Variants in POU1F1 observed in about 807,000 individuals in gnomAD.
The protein encoded by POU1F1 is pituitary-specific positive transcription factor 1.
A neutral mutation model predicts 32.3 loss-of-function variants in POU1F1; 23 were observed. That is an observed-to-expected ratio of 0.71 (90% CI 0.51 to 1.01). POU1F1 has a LOEUF of 1.01. Ranked by LOEUF, POU1F1 falls within the 50% of genes least tolerant of loss-of-function variation. The probability of loss-of-function intolerance (pLI) is 0.00; values close to 1 mark genes in which losing one functional copy is unlikely to be tolerated. For missense variants in POU1F1, 323 were observed against 341.6 expected, an observed-to-expected ratio of 0.95 and a Z score of 0.43; for synonymous variants, 120 against 115.6, an observed-to-expected ratio of 1.04 and a Z score of -0.25.
rs756565722 is a variant in POU1F1 at position 87,260,075 on chromosome 3, T to G, written c.695A>C (p.His232Pro). 6.2e-7 allele frequency: 1 copy of G among 1,613,992 alleles called. No homozygotes were observed. The highest frequency in any genetic ancestry group is 8.5e-7 in the Non-Finnish European group (1 of 1,179,970). The change falls in exon 6 of 6, where the codon CAC (histidine) becomes CCC (proline). Residue 232 changes from histidine to proline, a missense_variant. By Grantham distance (77) the His-to-Pro change is moderately conservative. Coordinates refer to ENST00000350375, the MANE Select transcript of POU1F1 (RefSeq NM_000306.4). ...AGAAGGTTTATTCTGTTCTCCAAAGTGTCTCTCCAGAGCATCTTTAGCAGC... is the reference window on the plus strand; with the variant it reads ...AGAAGGTTTATTCTGTTCTCCAAAGGGTCTCTCCAGAGCATCTTTAGCAGC... ...SIAAKDALER[H>P]FGEQNKPSSQ...
chr3:87,264,657 CGAA>C (rs1354119165), intron 2 of POU1F1, 145 bp from the exon 3 acceptor site: 10 of 685,570 alleles, frequency 1.5e-5, no homozygotes, highest in Non-Finnish European at 2.3e-5. Context: ...TTCAGTCTTC[CGAA>C]GAAGGAGTCA....
chr3:87,259,760 A>G lies in POU1F1; in HGVS notation c.*134T>C. 3 of 729,258 alleles carry G rather than the reference A, an allele frequency of 4.1e-6. No individual in the cohort carries two copies. In the East Asian group the frequency reaches 8.2e-5, roughly 20 times the overall value. 45.2% of individuals were successfully genotyped at this position (729,258 alleles called of 1,614,324 possible). ...ATTGTTGGTTTCTTTTTTTTAAAAA[A>G]AAGTGGAAAAGTAAAGCTTCTGTAA... On this transcript the variant is annotated 3_prime_UTR_variant, in exon 6 of 6. Transcript: ENST00000350375.
chr3:87,269,749 T>C (rs1706691869), intron 2 of POU1F1, among the ~76,000 whole-genome samples: 1 of 152,072 alleles, frequency 6.6e-6, no homozygotes, highest in African/African-American at 2.4e-5. Flanking sequence ...CTTGTTTAAG[T>C]CCCAAGAGTT....
chr3:87,273,719 C>T (rs576920151), intron 1 of POU1F1, among the ~76,000 whole-genome samples: 11 of 152,252 alleles, frequency 7.2e-5, no homozygotes, highest in East Asian at 5.8e-4. Context: ...GCTATGGCTA[C>T]GAGTGCCCCG....
intron 3 of POU1F1, among the ~76,000 whole-genome samples, 179 bp downstream of exon 3, chr3:87,264,109 C>G (rs958419357): frequency 6.6e-6 from 1 of 152,004 alleles, no homozygotes; most frequent in Non-Finnish European, 1.5e-5. Flanking sequence ...TATTTAGGCT[C>G]TTAAGAAATT....
In POU1F1 at chr3:87,259,647, T is replaced by C. The variant is rs560712991; in HGVS notation, c.*247A>G. On this transcript the variant is annotated 3_prime_UTR_variant, in exon 6 of 6. Transcript: ENST00000350375. ...AGAGCGGGAGAGACAGAGAGATCAT[T>C]TTATTACTGTTAATATATTTGGCTT... is the stretch of plus-strand genomic sequence containing the variant. 1.1e-5 allele frequency: 5 copies of C among 470,550 alleles called. No individual in the cohort carries two copies. The South Asian group carries it at 1.1e-4, about 11-fold the overall frequency. The allele number at this position is 470,550 out of a possible 1,614,324, so 29.1% of individuals were successfully genotyped here. A position where few individuals can be genotyped will look rare whatever the true frequency, so the allele number is the denominator to read the frequency against.
chr3:87,260,143 T>G, intron 5 of POU1F1, 39 bp from the exon 6 acceptor site: 1 of 1,564,388 alleles, frequency 6.4e-7, no homozygotes, highest in Non-Finnish European at 8.7e-7. Flanking sequence ...ATTTTGTTGT[T>G]TTTAGTGAAG....
chr3:87,261,556 C>T (rs1447652349), intron 4 of POU1F1, among the ~76,000 whole-genome samples: 1 of 152,066 alleles, frequency 6.6e-6, no homozygotes, highest in African/African-American at 2.4e-5. Context: ...CAAATAATAT[C>T]CTCACTTTAC....
intron 4 of POU1F1, among the ~76,000 whole-genome samples, chr3:87,261,753 A>G (rs980559925): frequency 1.3e-5 from 2 of 152,160 alleles, no homozygotes; most frequent in African/African-American, 2.4e-5. Context: ...TGTGATTCAT[A>G]TATAATTTCT....
chr3:87,265,957 T>G lies in POU1F1; in HGVS notation c.215-1445A>C, dbSNP rs1362529868. 2.0e-5 allele frequency among the ~76,000 whole-genome samples: 3 copies of G among 151,214 alleles called. No individual in the cohort carries two copies. The East Asian group carries it at 5.8e-4, about 29-fold the overall frequency. On this transcript the variant is annotated intron_variant, in intron 2 of 5. Coordinates refer to ENST00000350375, the MANE Select transcript of POU1F1 (RefSeq NM_000306.4). ...AATCATTTTCTTATAAATATAAATA[T>G]TTTAAAATAAATTACTATGGAATAC...
intron 2 of POU1F1, among the ~76,000 whole-genome samples, chr3:87,271,076 C>G (rs1706713527): frequency 6.6e-6 from 1 of 152,070 alleles, no homozygotes; most frequent in African/African-American, 2.4e-5. Flanking sequence ...GTGATAGCTC[C>G]AGACCTTGGT....
chr3:87,265,311 G>A (rs1239182080), intron 2 of POU1F1, among the ~76,000 whole-genome samples: 2 of 152,036 alleles, frequency 1.3e-5, no homozygotes, highest in African/African-American at 4.8e-5. Flanking sequence ...TATATGATAA[G>A]TGATTACCGA....
At chr3:87,262,650 T>G (rs1223330827) in intron 3 of POU1F1, among the ~76,000 whole-genome samples, 1 of 152,096 alleles carries the variant, frequency 6.6e-6, no homozygotes. Flanking sequence ...TTATATATCA[T>G]AACATTCTTA....
chr3:87,269,778 G>GTTTGT (rs150121837), intron 2 of POU1F1, among the ~76,000 whole-genome samples: 2,014 of 152,046 alleles, frequency 0.013, 38 homozygotes, highest in African/African-American at 0.046. Flanking sequence ...AAACAAGTTT[G>GTTTGT]TTTGTTTTGT....
rs775273679 is a variant in POU1F1 at position 87,260,016 on chromosome 3, T to G, written c.754A>C (p.Asn252His). 1.2e-6 allele frequency: 2 copies of G among 1,614,010 alleles called. No individual in the cohort carries two copies. The highest frequency in any genetic ancestry group is 8.5e-7 in the Non-Finnish European group (1 of 1,180,018). The change falls in exon 6 of 6, where the codon AAT (asparagine) becomes CAT (histidine). Residue 252 changes from asparagine (N) to histidine (H), a missense_variant. Coordinates refer to ENST00000350375, the MANE Select transcript of POU1F1 (RefSeq NM_000306.4). ...QEIMRMAEEL[N>H]LEKEVVRVWF... ...ACTCTTACTACTTCTTTCTCCAGAT[T>G]CAGTTCTTCAGCCATCCTCATGATC...
intron 5 of POU1F1, among the ~76,000 whole-genome samples, chr3:87,260,867 T>TA (rs1706497130): frequency 1.3e-4 from 1 of 7,610 alleles, no homozygotes; most frequent in African/African-American, 4.8e-4. Context: ...TTATTATTAT[T>TA]TTTTTTTTAT....
intron 3 of POU1F1, among the ~76,000 whole-genome samples, 188 bp from the exon 4 acceptor site, chr3:87,262,423 C>A (rs962742192): frequency 6.6e-6 from 1 of 152,136 alleles, no homozygotes; most frequent in Non-Finnish European, 1.5e-5. Flanking sequence ...TACTTCAAAA[C>A]ATATTTCTTC....
intron 2 of POU1F1, among the ~76,000 whole-genome samples, chr3:87,270,794 T>C (rs1332393255): frequency 6.6e-6 from 1 of 152,130 alleles, no homozygotes. Flanking sequence ...CTCTTATTTC[T>C]GAATTGCTGT....
intron 2 of POU1F1, among the ~76,000 whole-genome samples, chr3:87,265,892 G>T (rs1156873179): frequency 2.0e-5 from 3 of 151,532 alleles, no homozygotes; most frequent in African/African-American, 7.3e-5. Context: ...AAGGATGATT[G>T]TATAAGCAAG....
Sources: allele counts gnomAD v4.1 joint callset (sites outside exome capture counted in the v4.1 genomes callset), GRCh38; gene constraint gnomAD v4.1.1; transcripts MANE v1.5; gene names NCBI Gene and HGNC (gene_info 2026-07-23, HGNC 2026-07-21).